Variants in SIAH3 observed in about 807,000 individuals in gnomAD.
SIAH3 encodes the protein siah E3 ubiquitin protein ligase family member 3, also known as seven in absentia homolog 3.
A neutral mutation model predicts 12.6 loss-of-function variants in SIAH3; 9 were observed. The ratio of observed to expected loss-of-function variants is 0.72; its 90% CI spans 0.43 to 1.25. The LOEUF (loss-of-function observed/expected upper bound fraction) is 1.25, where lower values mean the gene tolerates loss of function less well. Among genes scored for constraint, SIAH3 ranks in the 50% most tolerant of loss-of-function variants. The pLI is 0.00. For missense variants in SIAH3, 390 were observed against 365.4 expected (o/e 1.07, Z -0.55); for synonymous variants, 154 against 151.1 (o/e 1.02, Z -0.14).
chr13:45,801,776 G>A (rs1485393934), intron 1 of SIAH3, among the ~76,000 whole-genome samples: 2 of 152,098 alleles, frequency 1.3e-5, no homozygotes, highest in Admixed American at 6.5e-5. Context: ...TATAGGTAAG[G>A]TCAAATGCTT....
chr13:45,804,435 G>C (rs1190878396), intron 1 of SIAH3, among the ~76,000 whole-genome samples: 7 of 152,076 alleles, frequency 4.6e-5, no homozygotes, highest in Non-Finnish European at 8.8e-5. Flanking sequence ...GAGTGGAGTG[G>C]TTGCTAACAA....
At chr13:45,829,851 G>A (rs1950692097) in intron 1 of SIAH3, among the ~76,000 whole-genome samples, 1 of 151,950 alleles carries the variant, frequency 6.6e-6, no homozygotes, top group African/African-American at 2.4e-5. Context: ...CTTGTTTTTA[G>A]AGGCGCTTGG....
At chr13:45,795,649 A>T (rs935086836) in intron 1 of SIAH3, among the ~76,000 whole-genome samples, 11 of 152,176 alleles carry the variant, frequency 7.2e-5, no homozygotes, top group Non-Finnish European at 1.5e-4. Context: ...CGTGTCTTCT[A>T]CCAGCATCCA....
Position 45,779,710 on chromosome 13 carries a change from T to C in SIAH3, c.*3673A>G, listed in dbSNP as rs1028014122. On this transcript the variant is annotated 3_prime_UTR_variant, in exon 2 of 2. Coordinates refer to ENST00000400405, the MANE Select transcript of SIAH3 (RefSeq NM_198849.3). ...ATGGGGATTACATGATCTACTATATTCAAAGTACGCAGCCTACTGGATCAT... is the reference window on the plus strand; with the variant it reads ...ATGGGGATTACATGATCTACTATATCCAAAGTACGCAGCCTACTGGATCAT... The C allele has an allele frequency of 2.0e-5, 3 of 152,188 alleles. No individual in the cohort carries two copies. Among genetic ancestry groups the C allele is most frequent in the African/African-American group, 4.8e-5 (2 of 41,438 alleles). The allele number at this position is 152,188 out of a possible 1,614,324, so 9.4% of individuals were successfully genotyped here.
In SIAH3 at chr13:45,851,586, A is replaced by G; in HGVS notation, c.44T>C (p.Ile15Thr). Reference protein sequence around the residue: ...TQCFGAVLDLIHLRFQHYKAK... With the variant: ...TQCFGAVLDLTHLRFQHYKAK... ...CTTGTAGTGCTGAAACCGGAGATGA[A>G]TGAGATCTAATACAGCCCCAAAGCA... Residue 15 changes from isoleucine (I) to threonine (T), a missense_variant, in exon 1 of 2, where the codon ATT (isoleucine) becomes ACT (threonine). Transcript: ENST00000400405. 1 of 1,614,208 alleles carries G rather than the reference A, an allele frequency of 6.2e-7. No individual in the cohort carries two copies. Among genetic ancestry groups the G allele is most frequent in the Non-Finnish European group, 8.5e-7 (1 of 1,180,040 alleles).
intron 1 of SIAH3, among the ~76,000 whole-genome samples, chr13:45,844,329 A>G (rs1402600664): frequency 2.0e-5 from 3 of 152,308 alleles, no homozygotes; most frequent in Non-Finnish European, 4.4e-5. Flanking sequence ...GCACCATCTC[A>G]TTGGCCAATG....
At chr13:45,846,477 C>T (rs138834972) in intron 1 of SIAH3, among the ~76,000 whole-genome samples, 142 of 152,254 alleles carry the variant, frequency 9.3e-4, no homozygotes, top group African/African-American at 3.2e-3. Context: ...CTTGTCTAAC[C>T]AGGTCACTGT....
intron 1 of SIAH3, among the ~76,000 whole-genome samples, chr13:45,808,242 G>C (rs1480302232): frequency 1.3e-5 from 2 of 151,492 alleles, no homozygotes; most frequent in Non-Finnish European, 2.9e-5. Flanking sequence ...ATACCTAAAA[G>C]TGTCCTGGTA....
At chr13:45,840,941 A>T (rs192481323) in intron 1 of SIAH3, among the ~76,000 whole-genome samples, 2 of 152,328 alleles carry the variant, frequency 1.3e-5, no homozygotes, top group African/African-American at 4.8e-5. Context: ...TATAATGGAG[A>T]ATGATAACAA....
At chr13:45,836,140 C>T (rs145892899) in intron 1 of SIAH3, among the ~76,000 whole-genome samples, 4 of 152,154 alleles carry the variant, frequency 2.6e-5, no homozygotes, top group East Asian at 1.9e-4. Flanking sequence ...TCAGTGAGAA[C>T]GAGTGAGGCA....
rs1453674600 is a variant in SIAH3, at chr13:45,795,388, A to T, written c.136-11331T>A. On this transcript the variant is annotated intron_variant, in intron 1 of 1. Coordinates refer to ENST00000400405, the MANE Select transcript of SIAH3 (RefSeq NM_198849.3). ...GATGCCTCCAGTCACAGACCTGCTA[A>T]TCTGTGACACCAGGTAGGTGATACT... Among the ~76,000 whole-genome samples the T allele has an allele frequency of 2.0e-5, 3 of 152,190 alleles. No individual in the cohort carries two copies. The South Asian group carries it at 6.2e-4, about 32-fold the overall frequency.
intron 1 of SIAH3, among the ~76,000 whole-genome samples, chr13:45,817,252 A>T (rs1950637865): frequency 6.6e-6 from 1 of 152,256 alleles, no homozygotes; most frequent in Non-Finnish European, 1.5e-5. Context: ...ATACACAAAT[A>T]CCATTGTTAC....
intron 1 of SIAH3, among the ~76,000 whole-genome samples, chr13:45,791,507 T>C (rs550921965): frequency 2.0e-5 from 3 of 152,234 alleles, no homozygotes; most frequent in East Asian, 3.9e-4. Context: ...ATATGGTGTG[T>C]GTGTGTGTGG....
chr13:45,795,252 C>T lies in SIAH3; in HGVS notation c.136-11195G>A, dbSNP rs751128617. 5.8e-4 allele frequency among the ~76,000 whole-genome samples: 89 copies of T among 152,194 alleles called. 1 individual carries two copies. Among genetic ancestry groups the T allele is most frequent in the Middle Eastern group, 3.2e-3 (1 of 316 alleles). On this transcript the variant is annotated intron_variant, in intron 1 of 1. Transcript: ENST00000400405. Reference sequence around the variant, plus strand: ...TGAGCCCCATGATCCAAGAAGCTCACTCCCAGAGATACACAAAGAAACCCA... The same window carrying T: ...TGAGCCCCATGATCCAAGAAGCTCATTCCCAGAGATACACAAAGAAACCCA...
At chr13:45,823,543 A>G (rs993268180) in intron 1 of SIAH3, among the ~76,000 whole-genome samples, 3 of 152,150 alleles carry the variant, frequency 2.0e-5, no homozygotes, top group African/African-American at 7.2e-5. Context: ...TATGCCTTTC[A>G]GCTTTAAAAC....
intron 1 of SIAH3, among the ~76,000 whole-genome samples, chr13:45,796,235 A>G (rs987811981): frequency 6.8e-6 from 1 of 147,504 alleles, no homozygotes; most frequent in Non-Finnish European, 1.5e-5. Flanking sequence ...CATGCTATAC[A>G]TCAAAAAACA....
intron 1 of SIAH3, among the ~76,000 whole-genome samples, chr13:45,827,296 G>T (rs1340712033): frequency 1.3e-5 from 2 of 152,136 alleles, no homozygotes; most frequent in African/African-American, 4.8e-5. Flanking sequence ...CCAGTGTCTT[G>T]CAAACACGAG....
intron 1 of SIAH3, among the ~76,000 whole-genome samples, chr13:45,805,126 C>A (rs1158649185): frequency 6.6e-6 from 1 of 151,882 alleles, no homozygotes; most frequent in African/African-American, 2.4e-5. Flanking sequence ...TTCCTATGCC[C>A]AATATTGTCA....
At chr13:45,817,100 G>A (rs543534928) in intron 1 of SIAH3, among the ~76,000 whole-genome samples, 28 of 152,220 alleles carry the variant, frequency 1.8e-4, no homozygotes, top group Non-Finnish European at 3.4e-4. Context: ...ACTTAAACTA[G>A]TGCCTGGATA....
Sources: gnomAD v4.1 joint callset for allele counts (sites outside exome capture counted in the v4.1 genomes callset) on GRCh38, gnomAD v4.1.1 for gene constraint, MANE v1.5 for transcripts, NCBI Gene and HGNC (gene_info 2026-07-23, HGNC 2026-07-21) for gene names.